The following AFF3 variants were observed in gnomAD, a reference collection of about 807,000 sequenced individuals.
AFF3 encodes ALF transcription elongation factor 3.
In AFF3, 32 loss-of-function variants were observed where a neutral mutation model predicts 129.7. The observed-to-expected ratio is 0.25, with a 90% CI of 0.19 to 0.33. AFF3 has a LOEUF of 0.33. Among genes scored for constraint, AFF3 ranks in the 10% least tolerant of loss-of-function variants. The pLI, the probability that AFF3 is intolerant of heterozygous loss-of-function variation, is 1.00. For missense variants in AFF3, 1,373 were observed against 1,592.0 expected (o/e 0.86, Z 2.34); for synonymous variants, 644 against 635.4 (o/e 1.01, Z -0.20).
chr2:99,638,935 C>T (rs1683928893), intron 13 of AFF3, among the ~76,000 whole-genome samples: 1 of 152,144 alleles, frequency 6.6e-6, no homozygotes, highest in African/African-American at 2.4e-5. Flanking sequence ...TCAAGTCACC[C>T]CATGTGTTTC....
intron 8 of AFF3, among the ~76,000 whole-genome samples, chr2:99,793,500 T>G (rs1287762789): frequency 6.6e-6 from 1 of 152,230 alleles, no homozygotes; most frequent in Admixed American, 6.5e-5. Flanking sequence ...TGGGGTAGAT[T>G]TGGTCATTTT....
chr2:99,809,664 AG>A, intron 8 of AFF3, among the ~76,000 whole-genome samples: 1 of 152,200 alleles, frequency 6.6e-6, no homozygotes, highest in African/African-American at 2.4e-5. Flanking sequence ...ATGGAGCACA[AG>A]TAAGGAGGAA....
intron 16 of AFF3, among the ~76,000 whole-genome samples, chr2:99,583,817 C>T (rs55679095): frequency 0.021 from 3,190 of 152,124 alleles, 85 homozygotes; most frequent in Middle Eastern, 0.068. Context: ...CTCAGCCTCC[C>T]GAGGACTCCC....
chr2:99,766,488 T>C (rs1289756610), intron 8 of AFF3, among the ~76,000 whole-genome samples: 1 of 152,226 alleles, frequency 6.6e-6, no homozygotes, highest in African/African-American at 2.4e-5. Context: ...GCTCCAGATA[T>C]TGACAGTAAA....
intron 7 of AFF3, among the ~76,000 whole-genome samples, chr2:99,965,788 C>T (rs896984268): frequency 1.3e-5 from 2 of 152,096 alleles, no homozygotes; most frequent in African/African-American, 2.4e-5. Flanking sequence ...ACAGGTGACC[C>T]GTTAGAAGTG....
intron 11 of AFF3, among the ~76,000 whole-genome samples, chr2:99,702,452 G>T (rs1274064915): frequency 6.6e-6 from 1 of 152,242 alleles, no homozygotes; most frequent in Non-Finnish European, 1.5e-5. Context: ...TGATTCTCCT[G>T]CCTCAGCCTC....
Position 99,551,152 on chromosome 2 carries a change from C to G in AFF3, c.*322G>C, listed in dbSNP as rs867161981. On this transcript the variant is annotated 3_prime_UTR_variant, in exon 25 of 25. Coordinates refer to ENST00000672756, the MANE Select transcript of AFF3 (RefSeq NM_001386135.1). ...GTGTCTGTGATTGTGTGTGAGTGTA[C>G]GGTGTGTGTGTGTGTGTGTGTGTGT... 1.2e-5 allele frequency: 5 copies of G among 405,360 alleles called. No individual in the cohort carries two copies. The East Asian group carries it at 1.7e-4, about 14-fold the overall frequency. The allele number at this position is 405,360 out of a possible 1,614,324, so 25.1% of individuals were successfully genotyped here.
chr2:99,674,177 T>C (rs1333156489), intron 11 of AFF3, among the ~76,000 whole-genome samples: 1 of 152,282 alleles, frequency 6.6e-6, no homozygotes, highest in East Asian at 1.9e-4. Context: ...AAACCACAAG[T>C]GAACAAATGA....
Position 99,727,145 on chromosome 2 carries a change from A to G in AFF3, c.1040-17T>C, listed in dbSNP as rs746000222. The G allele has an allele frequency of 2.9e-5, 46 of 1,605,152 alleles. No individual in the cohort carries two copies. The highest frequency in any genetic ancestry group is 7.8e-5 in the South Asian group (7 of 89,576). On this transcript the variant is annotated splice_polypyrimidine_tract_variant and intron_variant, in intron 10 of 24. Coordinates refer to ENST00000672756, the MANE Select transcript of AFF3 (RefSeq NM_001386135.1). ...CACCTTTCTCTTAAAAAGGAAGCAG[A>G]AAAAAATACCGACATATGAGTCTTA... is the stretch of plus-strand genomic sequence containing the variant.
chr2:99,716,585 T>C (rs1326228662), intron 11 of AFF3, among the ~76,000 whole-genome samples: 3 of 148,662 alleles, frequency 2.0e-5, no homozygotes, highest in Non-Finnish European at 3.0e-5. Flanking sequence ...CACATAACTA[T>C]ATATATATAT....
rs1040488598 is a variant in AFF3, at chr2:99,791,340, C to T, written c.922-39039G>A. ...AATGGTGTGTTTCCATGTAATTCTCCTATGTACTTTAATAAATAATCCCTA... is the reference window on the plus strand; with the variant it reads ...AATGGTGTGTTTCCATGTAATTCTCTTATGTACTTTAATAAATAATCCCTA... On this transcript the variant is annotated intron_variant, in intron 8 of 24. Coordinates refer to ENST00000672756, the MANE Select transcript of AFF3 (RefSeq NM_001386135.1). Among the ~76,000 whole-genome samples the T allele has an allele frequency of 3.7e-4, 56 of 152,108 alleles. 1 individual carries two copies. The highest frequency in any genetic ancestry group is 1.3e-3 in the African/African-American group (53 of 41,396).
chr2:99,582,642 G>C (rs375674995), intron 17 of AFF3, among the ~76,000 whole-genome samples, 156 bp downstream of exon 17: 2 of 152,194 alleles, frequency 1.3e-5, no homozygotes, highest in African/African-American at 4.8e-5. Flanking sequence ...CAGTGAAGGG[G>C]GCTGTCCTCT....
At chr2:99,809,558 G>A (rs778702514) in intron 8 of AFF3, among the ~76,000 whole-genome samples, 1 of 152,244 alleles carries the variant, frequency 6.6e-6, no homozygotes, top group African/African-American at 2.4e-5. Context: ...CACTAAGCCT[G>A]TCTGTCCTCA....
At chr2:99,832,560 AG>A (rs1688583896) in intron 8 of AFF3, among the ~76,000 whole-genome samples, 1 of 152,264 alleles carries the variant, frequency 6.6e-6, no homozygotes. Flanking sequence ...CCCTTTAGGA[AG>A]GGCTTTTGGT....
intron 1 of AFF3, among the ~76,000 whole-genome samples, chr2:100,140,782 G>A (rs1266319936): frequency 2.0e-5 from 3 of 152,098 alleles, no homozygotes; most frequent in African/African-American, 7.2e-5. Flanking sequence ...GGCCTCATAG[G>A]GAGGGGTGTT....
At chr2:99,831,276 A>G (rs1688501593) in intron 8 of AFF3, among the ~76,000 whole-genome samples, 1 of 152,270 alleles carries the variant, frequency 6.6e-6, no homozygotes, top group Non-Finnish European at 1.5e-5. Context: ...GCCTTAAAAT[A>G]CAATAACTAT....
At chr2:99,970,159 T>C (rs1180611542) in intron 7 of AFF3, among the ~76,000 whole-genome samples, 1 of 152,174 alleles carries the variant, frequency 6.6e-6, no homozygotes, top group Non-Finnish European at 1.5e-5. Flanking sequence ...CTCTAGTTTT[T>C]CTTTAGGGCA....
chr2:99,666,503 G>GGAA (rs1374996141), intron 12 of AFF3, among the ~76,000 whole-genome samples: 6 of 151,928 alleles, frequency 3.9e-5, no homozygotes, highest in African/African-American at 1.4e-4. Flanking sequence ...ATTAAAACCA[G>GGAA]GAAGAAACTA....
chr2:99,770,564 A>G (rs1160959090), intron 8 of AFF3, among the ~76,000 whole-genome samples: 1 of 152,062 alleles, frequency 6.6e-6, no homozygotes, highest in Non-Finnish European at 1.5e-5. Flanking sequence ...GTCTCTCACT[A>G]TAGCCACCAC....
Sources: allele counts gnomAD v4.1 joint callset (sites outside exome capture counted in the v4.1 genomes callset), GRCh38; gene constraint gnomAD v4.1.1; transcripts MANE v1.5; gene names NCBI Gene and HGNC (gene_info 2026-07-23, HGNC 2026-07-21).